The following PTPRD variants were observed in gnomAD, a reference collection of about 807,000 sequenced individuals.
PTPRD encodes the protein protein tyrosine phosphatase receptor type D.
A neutral mutation model predicts 214.5 loss-of-function variants in PTPRD; 34 were observed. The ratio of observed to expected loss-of-function variants is 0.16; its 90% CI spans 0.12 to 0.21. The LOEUF (loss-of-function observed/expected upper bound fraction) is 0.21. Ranked by LOEUF, PTPRD falls within the 10% of genes least tolerant of loss-of-function variation. The pLI is 1.00. For synonymous variants in PTPRD, 1,128 were observed against 845.7 expected, an observed-to-expected ratio of 1.33 and a Z score of -5.79; for missense variants, 2,545 against 2,398.7, an observed-to-expected ratio of 1.06 and a Z score of -1.27.
rs1046427161 is a variant in PTPRD at position 10,150,443 on chromosome 9, T to C, written c.-544-116653A>G. Among the ~76,000 whole-genome samples the C allele has an allele frequency of 5.9e-5, 9 of 151,858 alleles. 1 individual carries two copies. The highest frequency in any genetic ancestry group is 2.2e-4 in the African/African-American group (9 of 41,414). ...ATCAAACACTGAATGTTCTCACTCATAGGTGGGAATTGAACAACGAGAACA... is the reference window on the plus strand; with the variant it reads ...ATCAAACACTGAATGTTCTCACTCACAGGTGGGAATTGAACAACGAGAACA... On this transcript the variant is annotated intron_variant, in intron 3 of 45. Transcript: ENST00000381196.
At chr9:10,367,150 G>A (rs1435859593) in intron 2 of PTPRD, among the ~76,000 whole-genome samples, 1 of 151,036 alleles carries the variant, frequency 6.6e-6, no homozygotes, top group Non-Finnish European at 1.5e-5. Flanking sequence ...ACAATGTAGA[G>A]TAGCTATTCC....
chr9:9,949,416 T>C (rs1277869810), intron 4 of PTPRD, among the ~76,000 whole-genome samples: 1 of 152,160 alleles, frequency 6.6e-6, no homozygotes, highest in Non-Finnish European at 1.5e-5. Context: ...TTAAATTTAG[T>C]TGATTTTTAC....
chr9:8,476,861 T>A (rs1411929564), intron 30 of PTPRD, among the ~76,000 whole-genome samples: 2 of 152,124 alleles, frequency 1.3e-5, no homozygotes, highest in Non-Finnish European at 2.9e-5. Flanking sequence ...CCATCAGAAT[T>A]TTCAACTCTC....
intron 12 of PTPRD, among the ~76,000 whole-genome samples, chr9:8,732,282 A>G (rs944285460): frequency 5.3e-5 from 8 of 152,192 alleles, no homozygotes; most frequent in Non-Finnish European, 1.5e-5. Flanking sequence ...AACTTCATGG[A>G]CGTACAATAA....
intron 3 of PTPRD, among the ~76,000 whole-genome samples, chr9:10,175,901 C>G (rs1251101408): frequency 5.3e-5 from 8 of 151,906 alleles, no homozygotes; most frequent in Admixed American, 5.3e-4. Flanking sequence ...TACAATAAGA[C>G]ATAAAGGAAG....
rs984567738 is a variant in PTPRD at position 8,497,246 on chromosome 9, T to A, written c.2345A>T (p.Glu782Val). The stretch of plus-strand genomic sequence containing the variant: ...AAACAGTCAAAAATTACTCACATGT[T>A]CAGTAGTATCATCAAATTCCCACTG... ...DAQWEFDDTT[E>V]HDMIISGLQP... is the part of the protein sequence containing the mutation. The change falls in exon 26 of 46, where the codon GAA (glutamate) becomes GTA (valine). Residue 782 changes from glutamate to valine, a missense_variant. Physicochemically the swap from Glu to Val is moderately radical, Grantham distance 121. Transcript: ENST00000381196. The A allele has an allele frequency of 6.3e-7, 1 of 1,594,574 alleles. No homozygotes were observed. The highest frequency in any genetic ancestry group is 1.7e-4 in the Middle Eastern group (1 of 6,018).
intron 3 of PTPRD, among the ~76,000 whole-genome samples, chr9:10,240,820 T>G (rs966551238): frequency 1.3e-5 from 2 of 151,880 alleles, no homozygotes; most frequent in Non-Finnish European, 2.9e-5. Context: ...ACAGGATTTT[T>G]GAATCATGAA....
intron 11 of PTPRD, among the ~76,000 whole-genome samples, chr9:8,997,258 C>G (rs374364563): frequency 6.6e-6 from 1 of 152,096 alleles, no homozygotes; most frequent in Non-Finnish European, 1.5e-5. Context: ...TTCTGCTTCA[C>G]AAATATTGTG....
chr9:9,419,569 G>C (rs182523179), intron 8 of PTPRD, among the ~76,000 whole-genome samples: 7 of 151,844 alleles, frequency 4.6e-5, no homozygotes, highest in Admixed American at 4.6e-4. Context: ...GCCCCAATAT[G>C]TATATTGTTT....
intron 2 of PTPRD, among the ~76,000 whole-genome samples, chr9:10,462,987 T>C (rs1227768837): frequency 6.7e-6 from 1 of 150,182 alleles, no homozygotes; most frequent in Admixed American, 6.7e-5. Context: ...AAAATATATA[T>C]TATATATATG....
In PTPRD at chr9:9,009,338, T is replaced by C. The variant is rs118024980; in HGVS notation, c.-104+9359A>G. On this transcript the variant is annotated intron_variant, in intron 11 of 45. Coordinates refer to ENST00000381196, the MANE Select transcript of PTPRD (RefSeq NM_002839.4). ...AGACTTAACCCCAACAGAATTGAAA[T>C]ATTGGGTTGCAGAGCTTTCACAATC... Among the ~76,000 whole-genome samples, 1,489 of 152,180 alleles carry C rather than the reference T, an allele frequency of 9.8e-3. 12 individuals carry two copies. The highest frequency in any genetic ancestry group is 0.022 in the South Asian group (105 of 4,820).
chr9:10,317,635 A>G (rs543735765), intron 3 of PTPRD, among the ~76,000 whole-genome samples: 1 of 152,138 alleles, frequency 6.6e-6, no homozygotes, highest in East Asian at 1.9e-4. Flanking sequence ...AAGATTTTTA[A>G]AAATCTATTG....
At chr9:9,231,852 C>G (rs62529550) in intron 9 of PTPRD, among the ~76,000 whole-genome samples, 32,645 of 151,816 alleles carry the variant, frequency 0.22, 3,557 homozygotes, top group African/African-American at 0.25. Flanking sequence ...ATTTACATTA[C>G]GTATTTTCCC....
At chr9:8,464,172 G>C (rs1186090615) in intron 32 of PTPRD, among the ~76,000 whole-genome samples, 1 of 151,898 alleles carries the variant, frequency 6.6e-6, no homozygotes, top group Non-Finnish European at 1.5e-5. Flanking sequence ...GATCGAATGA[G>C]ATTTCTCTTC....
intron 5 of PTPRD, among the ~76,000 whole-genome samples, chr9:9,824,629 A>G (rs939157221): frequency 3.3e-5 from 5 of 152,066 alleles, no homozygotes; most frequent in African/African-American, 1.2e-4. Context: ...CAAAGAAAAC[A>G]ACTGGAACAT....
At chr9:8,421,122 T>C (rs150351831) in intron 35 of PTPRD, among the ~76,000 whole-genome samples, 2 of 151,942 alleles carry the variant, frequency 1.3e-5, no homozygotes, top group Admixed American at 6.5e-5. Flanking sequence ...TAATGAAGCA[T>C]GCTTATTCAT....
intron 8 of PTPRD, among the ~76,000 whole-genome samples, chr9:9,488,495 C>A (rs1464290144): frequency 2.6e-5 from 4 of 152,136 alleles, no homozygotes; most frequent in Admixed American, 1.3e-4. Context: ...ACTCAGCTTC[C>A]TGAGTTCAGA....
At chr9:9,758,282 G>T (rs1202418988) in intron 6 of PTPRD, among the ~76,000 whole-genome samples, 1 of 150,264 alleles carries the variant, frequency 6.7e-6, no homozygotes. Context: ...CTTGGCTTTT[G>T]TATATTTTTA....
At chr9:8,344,568 CCCA>C (rs777490651) in intron 39 of PTPRD, among the ~76,000 whole-genome samples, 31 of 151,980 alleles carry the variant, frequency 2.0e-4, no homozygotes, top group Admixed American at 6.6e-4. Context: ...TATTTTTTCC[CCCA>C]CAATTCAAAA....
Sources: allele counts gnomAD v4.1 joint callset (sites outside exome capture counted in the v4.1 genomes callset), GRCh38; gene constraint gnomAD v4.1.1; transcripts MANE v1.5; gene names NCBI Gene and HGNC (gene_info 2026-07-23, HGNC 2026-07-21).